FSTL1: variants seen among roughly 807,000 people sequenced by gnomAD.
FSTL1 encodes follistatin like 1, also known as follistatin-related protein 1.
FSTL1 carries 24 observed loss-of-function variants against 45.9 expected under a neutral mutation model. The observed-to-expected ratio is 0.52, with a 90% CI of 0.38 to 0.74. The LOEUF is 0.74. FSTL1 is among the 30% of genes least tolerant of loss of function. FSTL1 has a pLI of 0.00. For missense variants in FSTL1, 340 were observed against 381.8 expected, an observed-to-expected ratio of 0.89 and a Z score of 0.91; for synonymous variants, 120 against 137.6, an observed-to-expected ratio of 0.87 and a Z score of 0.89.
intron 3 of FSTL1, among the ~76,000 whole-genome samples, chr3:120,413,749 CTT>C (rs1342744136): frequency 6.7e-6 from 1 of 148,630 alleles, no homozygotes; most frequent in African/African-American, 2.5e-5. Context: ...CAAAGGCTCT[CTT>C]TGTTTTTTAA....
chr3:120,412,815 C>T (rs1343523390), intron 3 of FSTL1, among the ~76,000 whole-genome samples: 2 of 82,778 alleles, frequency 2.4e-5, no homozygotes, highest in Admixed American at 1.3e-4. Flanking sequence ...AACACACACA[C>T]ATGTGCGCGC....
rs761595702 is a variant in FSTL1, at chr3:120,402,837, T to C, written c.776A>G (p.Asn259Ser). 1 of 1,611,992 alleles carries C rather than the reference T, an allele frequency of 6.2e-7. No individual in the cohort carries two copies. Among genetic ancestry groups the C allele is most frequent in the South Asian group, 1.1e-5 (1 of 91,038 alleles). ...ACAGGTCATGGCTGTACAGACCCAA[T>C]TTCCACAGGCACAGACACAGCGGTT... ...DCNRCVCACG[N>S]WVCTAMTCDG... Residue 259 changes from asparagine (N) to serine (S), a missense_variant, in exon 9 of 11, where the codon AAT (asparagine) becomes AGT (serine). Physicochemically the swap from Asn to Ser is conservative, Grantham distance 46. Transcript: ENST00000295633.
intron 6 of FSTL1, among the ~76,000 whole-genome samples, chr3:120,406,695 G>A (rs901952371): frequency 6.6e-6 from 1 of 152,188 alleles, no homozygotes; most frequent in Non-Finnish European, 1.5e-5. Flanking sequence ...GAATGCCTGG[G>A]GGGTCTGCCT....
At chr3:120,436,789 C>T (rs1229873038) in intron 2 of FSTL1, among the ~76,000 whole-genome samples, 1 of 152,130 alleles carries the variant, frequency 6.6e-6, no homozygotes, top group East Asian at 1.9e-4. Context: ...CCCTGTAGCA[C>T]CATAATTATA....
At position 120,411,836 on chromosome 3, in the gene FSTL1, G is replaced by GGTGAGAGCACACCTTACCTTTGCA. The variant is rs777920066; in HGVS notation, c.292_298+17dup. 8 of 1,609,864 alleles carry GGTGAGAGCACACCTTACCTTTGCA rather than the reference G, an allele frequency of 5.0e-6. No homozygotes were observed. In the South Asian group the frequency reaches 8.8e-5, roughly 18 times the overall value. On this transcript the variant is annotated intron_variant, in intron 4 of 10. Coordinates refer to ENST00000295633, the MANE Select transcript of FSTL1 (RefSeq NM_007085.5). ...CCCGTGGCTAAAGCTGCCTTGCAGT[G>GGTGAGAGCACACCTTACCTTTGCA]GTGAGAGCACACCTTACCTTTGCAG...
At chr3:120,415,531 T>C (rs150179000) in intron 3 of FSTL1, among the ~76,000 whole-genome samples, 1 of 152,334 alleles carries the variant, frequency 6.6e-6, no homozygotes, top group East Asian at 1.9e-4. Context: ...TACAGTAGCA[T>C]ATAAACCCTA....
chr3:120,426,976 T>A (rs189609304), intron 2 of FSTL1, among the ~76,000 whole-genome samples: 1 of 152,102 alleles, frequency 6.6e-6, no homozygotes, highest in Admixed American at 6.5e-5. Flanking sequence ...GACTAAAATT[T>A]AAAAAAAGGG....
chr3:120,441,231 A>T (rs938873423), intron 2 of FSTL1: 3 of 152,242 alleles, frequency 2.0e-5, no homozygotes, highest in African/African-American at 7.2e-5. Context: ...AATGGAAATG[A>T]CCACCCAAGA....
chr3:120,417,551 GAAGT>G (rs1937208277), intron 2 of FSTL1, among the ~76,000 whole-genome samples: 2 of 152,196 alleles, frequency 1.3e-5, no homozygotes, highest in Admixed American at 1.3e-4. Context: ...GAAGAAAGAG[GAAGT>G]AATTCCCAGA....
intron 2 of FSTL1, among the ~76,000 whole-genome samples, chr3:120,436,339 C>T (rs1453104503): frequency 1.3e-5 from 2 of 152,142 alleles, no homozygotes; most frequent in Admixed American, 1.3e-4. Context: ...AATGTCTGGC[C>T]TCTACTCAAA....
chr3:120,439,228 T>C (rs1937603243), intron 2 of FSTL1, among the ~76,000 whole-genome samples: 1 of 152,206 alleles, frequency 6.6e-6, no homozygotes, highest in Non-Finnish European at 1.5e-5. Flanking sequence ...GGGTTTACTC[T>C]AAGACATTTC....
At chr3:120,442,479 T>C (rs1367755064) in intron 2 of FSTL1, among the ~76,000 whole-genome samples, 1 of 152,138 alleles carries the variant, frequency 6.6e-6, no homozygotes, top group Non-Finnish European at 1.5e-5. Flanking sequence ...TTACAGAGTC[T>C]ATGAAAAAGA....
At chr3:120,417,577 A>G (rs1937208835) in intron 2 of FSTL1, among the ~76,000 whole-genome samples, 1 of 152,214 alleles carries the variant, frequency 6.6e-6, no homozygotes, top group South Asian at 2.1e-4. Flanking sequence ...GTCCGCGGGG[A>G]TTGGAGAGCT....
rs201032578 is a variant in FSTL1, at chr3:120,404,882, A to G, written c.552T>C (p.Tyr184=). The stretch of plus-strand genomic sequence containing the variant: ...GCAACTTGTTGTTCTCCTGGTCTGG[A>G]TACGTTGTAATATTGATGGCAGTTT... ...QNETAINITT[Y]PDQENNKLLR... is the part of the protein sequence containing the mutation. The change falls in exon 7 of 11, where the codon TAT becomes TAC. Residue 184 remains tyrosine, a synonymous_variant. Coordinates refer to ENST00000295633, the MANE Select transcript of FSTL1 (RefSeq NM_007085.5). 7 of 1,587,424 alleles carry G rather than the reference A, an allele frequency of 4.4e-6. No homozygotes were observed. Among genetic ancestry groups the G allele is most frequent in the South Asian group, 1.1e-5 (1 of 90,582 alleles).
chr3:120,405,412 A>G (rs533176347), intron 6 of FSTL1, among the ~76,000 whole-genome samples: 2 of 152,324 alleles, frequency 1.3e-5, no homozygotes, highest in East Asian at 3.9e-4. Context: ...CTGCTCAGGA[A>G]CAGCAGCAAT....
intron 2 of FSTL1, 106 bp downstream of exon 2, chr3:120,450,578 C>G: frequency 1.5e-6 from 1 of 679,356 alleles, no homozygotes. Context: ...CCGAAACTCC[C>G]AGCGCCACCC....
Sources: allele counts gnomAD v4.1 joint callset (sites outside exome capture counted in the v4.1 genomes callset), GRCh38; gene constraint gnomAD v4.1.1; transcripts MANE v1.5; gene names NCBI Gene and HGNC (gene_info 2026-07-23, HGNC 2026-07-21).